The following EPHB1 variants were observed in gnomAD, a reference collection of about 807,000 sequenced individuals.
EPHB1 encodes the protein ephrin type-B receptor 1.
In EPHB1, 30 loss-of-function variants were observed where a neutral mutation model predicts 94.4. The ratio of observed to expected loss-of-function variants is 0.32; its 90% CI spans 0.24 to 0.43. The LOEUF (loss-of-function observed/expected upper bound fraction) is 0.43. Ranked by LOEUF, EPHB1 falls within the 20% of genes least tolerant of loss-of-function variation. The pLI is 1.00. For missense variants in EPHB1, 1,055 were observed against 1,308.3 expected (o/e 0.81, Z 2.99); for synonymous variants, 522 against 489.1 (o/e 1.07, Z -0.89).
In EPHB1 at chr3:135,260,135, G is replaced by A. The variant is rs547842404; in HGVS notation, c.*1015G>A. 8.6e-6 allele frequency: 2 copies of A among 233,048 alleles called. No homozygotes were observed. Among genetic ancestry groups the A allele is most frequent in the South Asian group, 1.8e-4 (1 of 5,524 alleles). The allele number at this position is 233,048 out of a possible 1,614,324, so 14.4% of individuals were successfully genotyped here. ...GGGCCATCCTGGAATGATACTGACT[G>A]ATTAATTATTCCTGATAACATCTCA... is the stretch of plus-strand genomic sequence containing the variant. On this transcript the variant is annotated 3_prime_UTR_variant, in exon 16 of 16. Coordinates refer to ENST00000398015, the MANE Select transcript of EPHB1 (RefSeq NM_004441.5).
At chr3:134,911,481 A>G (rs972335096) in intron 1 of EPHB1, among the ~76,000 whole-genome samples, 2 of 152,060 alleles carry the variant, frequency 1.3e-5, no homozygotes, top group African/African-American at 4.8e-5. Context: ...GAGTCAGGGT[A>G]TGATGTGGTC....
At chr3:134,841,363 C>T (rs141295511) in intron 1 of EPHB1, 1 of 152,350 alleles carries the variant, frequency 6.6e-6, no homozygotes, top group Non-Finnish European at 1.5e-5. Flanking sequence ...CTGCTGGTGT[C>T]ACTGTTGTCC....
At chr3:135,167,557 T>G (rs906476627) in intron 9 of EPHB1, among the ~76,000 whole-genome samples, 1 of 152,222 alleles carries the variant, frequency 6.6e-6, no homozygotes, top group African/African-American at 2.4e-5. Flanking sequence ...TAAACCTATA[T>G]TTATAATATT....
At chr3:134,983,358 G>A (rs1212757250) in intron 3 of EPHB1, among the ~76,000 whole-genome samples, 1 of 152,270 alleles carries the variant, frequency 6.6e-6, no homozygotes, top group East Asian at 1.9e-4. Flanking sequence ...ACTTGCAGGT[G>A]CAACTAGTTG....
At position 134,897,268 on chromosome 3, in the gene EPHB1, T is replaced by G. The variant is rs148111400; in HGVS notation, c.59-28548T>G. Among the ~76,000 whole-genome samples, 300 of 151,322 alleles carry G rather than the reference T, an allele frequency of 2.0e-3. 2 individuals carry two copies. The highest frequency in any genetic ancestry group is 7.1e-3 in the African/African-American group (293 of 41,438). ...CATCTGTAAGGAAGGGATACCCCAATCCCAGATCCTTTCTAATCCTCTGGA... is the reference window on the plus strand; with the variant it reads ...CATCTGTAAGGAAGGGATACCCCAAGCCCAGATCCTTTCTAATCCTCTGGA... On this transcript the variant is annotated intron_variant, in intron 1 of 15. Coordinates refer to ENST00000398015, the MANE Select transcript of EPHB1 (RefSeq NM_004441.5).
chr3:135,180,189 T>C (rs1942116424), intron 10 of EPHB1, among the ~76,000 whole-genome samples: 1 of 152,202 alleles, frequency 6.6e-6, no homozygotes, highest in Admixed American at 6.5e-5. Flanking sequence ...ACCTTGACCA[T>C]GGTGGCCAAG....
At chr3:134,891,255 A>C (rs2037977725) in intron 1 of EPHB1, among the ~76,000 whole-genome samples, 4 of 152,128 alleles carry the variant, frequency 2.6e-5, no homozygotes, top group Admixed American at 2.0e-4. Context: ...GACTATAGGC[A>C]TGCGCCACCA....
At chr3:135,127,683 T>A (rs1199907361) in intron 4 of EPHB1, among the ~76,000 whole-genome samples, 1 of 152,180 alleles carries the variant, frequency 6.6e-6, no homozygotes, top group African/African-American at 2.4e-5. Context: ...GCTTAATGCC[T>A]GCAAATAAAC....
intron 3 of EPHB1, among the ~76,000 whole-genome samples, chr3:135,019,010 G>A (rs528363932): frequency 5.9e-5 from 9 of 152,222 alleles, no homozygotes; most frequent in African/African-American, 1.9e-4. Context: ...GGAGCATCAG[G>A]GAAGTCTGTC....
In EPHB1 at chr3:134,951,902, G is replaced by T. The variant is rs1198330489; in HGVS notation, c.655G>T (p.Val219Leu). 1.2e-6 allele frequency: 2 copies of T among 1,614,022 alleles called. No homozygotes were observed. The highest frequency in any genetic ancestry group is 1.7e-6 in the Non-Finnish European group (2 of 1,179,892). ...GACAGGGGCAGAGAGCACATCTCTG[G>T]TGATTGCTCGGGGCACATGCATCCC... Reference protein sequence around the residue: ...TMTGAESTSLVIARGTCIPNA... With the variant: ...TMTGAESTSLLIARGTCIPNA... The change falls in exon 3 of 16, where the codon GTG (valine) becomes TTG (leucine). Residue 219 changes from valine (V) to leucine (L), a missense_variant. Transcript: ENST00000398015. This position sits in a 1 kb window ranked among gnomAD's most constrained non-coding sequence, Gnocchi z 4.5.
intron 12 of EPHB1, among the ~76,000 whole-genome samples, chr3:135,209,981 G>A (rs550504389): frequency 7.2e-5 from 11 of 152,268 alleles, no homozygotes; most frequent in East Asian, 1.9e-4. Context: ...GACAGATGGC[G>A]GAGGATGACT....
chr3:135,083,041 G>A (rs919808268), intron 3 of EPHB1, among the ~76,000 whole-genome samples: 7 of 152,202 alleles, frequency 4.6e-5, no homozygotes, highest in Admixed American at 1.3e-4. Flanking sequence ...CCAGGCAGAG[G>A]AAGCCAGAAA....
chr3:135,218,851 C>T (rs1394629055), intron 12 of EPHB1, among the ~76,000 whole-genome samples: 7 of 152,188 alleles, frequency 4.6e-5, no homozygotes, highest in African/African-American at 7.2e-5. Context: ...ATATATCAAG[C>T]GTGTATCACA....
At chr3:135,036,352 G>A (rs1290057394) in intron 3 of EPHB1, among the ~76,000 whole-genome samples, 4 of 152,200 alleles carry the variant, frequency 2.6e-5, no homozygotes, top group African/African-American at 9.6e-5. Context: ...AATCAGGGAA[G>A]TGGTGGAATT....
In EPHB1 at chr3:134,795,362, C is replaced by G; in HGVS notation, c.-270C>G. On this transcript the variant is annotated 5_prime_UTR_variant, in exon 1 of 16. Transcript: ENST00000398015. ...CTCTCCCAGGCTCGTTCTCCCTCGC[C>G]CTCTCTCTCTCACACACGCACGCAC... 1 of 502,322 alleles carries G rather than the reference C, an allele frequency of 2.0e-6. No homozygotes were observed. 31.1% of individuals were successfully genotyped at this position (502,322 alleles called of 1,614,324 possible).
chr3:135,012,752 G>A lies in EPHB1; in HGVS notation c.805+60700G>A, dbSNP rs186469755. Reference sequence around the variant, plus strand: ...CAGCTGTAGGAGGTCAAGCCTGTGAGGATCCCCCAAGCCAACTCCCTCAGA... The same window carrying A: ...CAGCTGTAGGAGGTCAAGCCTGTGAAGATCCCCCAAGCCAACTCCCTCAGA... On this transcript the variant is annotated intron_variant, in intron 3 of 15. Transcript: ENST00000398015. 6.6e-5 allele frequency among the ~76,000 whole-genome samples: 10 copies of A among 152,250 alleles called. 1 individual carries two copies. The highest frequency in any genetic ancestry group is 5.2e-4 in the Admixed American group (8 of 15,292).
intron 2 of EPHB1, among the ~76,000 whole-genome samples, chr3:134,946,101 C>G (rs971321043): frequency 6.6e-6 from 1 of 152,220 alleles, no homozygotes; most frequent in Admixed American, 6.5e-5. Context: ...AGATTCTCCC[C>G]TAAAGCATCG....
chr3:134,804,672 T>G (rs1267104166), intron 1 of EPHB1, among the ~76,000 whole-genome samples: 1 of 152,178 alleles, frequency 6.6e-6, no homozygotes, highest in Non-Finnish European at 1.5e-5. Flanking sequence ...TACAACTTCT[T>G]CTCTGTGGAC....
intron 1 of EPHB1, among the ~76,000 whole-genome samples, chr3:134,828,690 CT>C (rs1219729172): frequency 1.3e-5 from 2 of 152,032 alleles, no homozygotes; most frequent in African/African-American, 4.8e-5. Flanking sequence ...GAGAATGGCC[CT>C]TTGAGGGACA....
Sources: gnomAD v4.1 joint callset for allele counts (sites outside exome capture counted in the v4.1 genomes callset) on GRCh38, gnomAD v4.1.1 for gene constraint, Gnocchi (gnomAD v3.1) non-coding constraint, MANE v1.5 for transcripts, NCBI Gene and HGNC (gene_info 2026-07-23, HGNC 2026-07-21) for gene names.